The following SMYD3 variants were observed in gnomAD, a reference collection of about 807,000 sequenced individuals.
SMYD3 encodes the protein SET and MYND domain containing 3.
Under a neutral mutation model 57.7 loss-of-function variants are expected in SMYD3, and 36 were observed. The ratio of observed to expected loss-of-function variants is 0.62; its 90% CI spans 0.48 to 0.82. SMYD3 has a LOEUF of 0.82. Among genes scored for constraint, SMYD3 ranks in the 40% least tolerant of loss-of-function variants. The probability of loss-of-function intolerance (pLI) is 0.00; values close to 1 mark genes in which losing one functional copy is unlikely to be tolerated. For missense variants in SMYD3, 515 were observed against 538.8 expected, an observed-to-expected ratio of 0.96 and a Z score of 0.44; for synonymous variants, 211 against 195.0, an observed-to-expected ratio of 1.08 and a Z score of -0.68.
chr1:245,875,513 C>T (rs2052438602), intron 8 of SMYD3, among the ~76,000 whole-genome samples: 1 of 152,228 alleles, frequency 6.6e-6, no homozygotes, highest in South Asian at 2.1e-4. Context: ...TGGGCAACAT[C>T]AAACCTCAAA....
chr1:245,992,354 G>A (rs956675425), intron 5 of SMYD3, among the ~76,000 whole-genome samples: 8 of 152,262 alleles, frequency 5.3e-5, no homozygotes. Context: ...GATGCAGTGT[G>A]GGAGGGGAGT....
At chr1:245,969,836 CTAAG>C (rs1409994631) in intron 5 of SMYD3, among the ~76,000 whole-genome samples, 15 of 152,196 alleles carry the variant, frequency 9.9e-5, no homozygotes, top group African/African-American at 3.6e-4. Flanking sequence ...TATTACCTCT[CTAAG>C]TGTGTATAAA....
chr1:246,244,015 A>T (rs1247787395), intron 5 of SMYD3, among the ~76,000 whole-genome samples: 1 of 112,756 alleles, frequency 8.9e-6, no homozygotes, highest in African/African-American at 3.1e-5. Context: ...ATATATGTAC[A>T]TATATGTGTA....
chr1:246,040,008 C>T (rs1304977234), intron 5 of SMYD3, among the ~76,000 whole-genome samples: 5 of 152,188 alleles, frequency 3.3e-5, no homozygotes, highest in Non-Finnish European at 5.9e-5. Flanking sequence ...TTACAGTTAA[C>T]GTCCGACATG....
intron 5 of SMYD3, among the ~76,000 whole-genome samples, chr1:245,971,095 C>A (rs10924418): frequency 0.033 from 4,954 of 152,284 alleles, 271 homozygotes; most frequent in African/African-American, 0.11. Flanking sequence ...GGCACATATA[C>A]ACCACAGAAT....
intron 5 of SMYD3, among the ~76,000 whole-genome samples, chr1:245,962,065 T>C (rs534910893): frequency 5.3e-5 from 8 of 152,194 alleles, no homozygotes; most frequent in African/African-American, 1.2e-4. Flanking sequence ...CTAAACATCA[T>C]ACCACATGAC....
rs548294272 is a variant in SMYD3 at position 246,223,365 on chromosome 1, G to A, written c.531+103836C>T. On this transcript the variant is annotated intron_variant, in intron 5 of 11. Coordinates refer to ENST00000490107, the MANE Select transcript of SMYD3 (RefSeq NM_001167740.2). Reference sequence around the variant, plus strand: ...ATGACAGAAAGAATTAATCAAGAGCGATGCCTTGATTTTGGTCCTGAGCAC... The same window carrying A: ...ATGACAGAAAGAATTAATCAAGAGCAATGCCTTGATTTTGGTCCTGAGCAC... 2.6e-3 allele frequency among the ~76,000 whole-genome samples: 400 copies of A among 152,232 alleles called. 1 individual carries two copies. Among genetic ancestry groups the A allele is most frequent in the African/African-American group, 8.7e-3 (362 of 41,504 alleles).
Position 246,158,513 on chromosome 1 carries a change from TTTG to T in SMYD3, c.531+168685_531+168687del, listed in dbSNP as rs1241335425. 3.3e-5 allele frequency among the ~76,000 whole-genome samples: 5 copies of T among 152,326 alleles called. No individual in the cohort carries two copies. The South Asian group carries it at 6.2e-4, about 19-fold the overall frequency. ...GCAATGATTAAAAGAGGAAATTGGC[TTTG>T]TTTTTTTGAGAACTACCCCGTAGAG... On this transcript the variant is annotated intron_variant, in intron 5 of 11. Transcript: ENST00000490107.
intron 5 of SMYD3, among the ~76,000 whole-genome samples, chr1:246,320,726 T>C (rs1196636586): frequency 2.0e-5 from 3 of 152,186 alleles, no homozygotes; most frequent in Non-Finnish European, 4.4e-5. Flanking sequence ...CTCTGTACAA[T>C]AATCCCTAAA....
chr1:246,101,064 G>GTTTTTTTTT (rs538220674), intron 5 of SMYD3, among the ~76,000 whole-genome samples: 1 of 78,564 alleles, frequency 1.3e-5, no homozygotes, highest in African/African-American at 3.7e-5. Context: ...ATTTTTAGGG[G>GTTTTTTTTT]TTTTTTGTTT....
At chr1:246,003,766 C>T (rs2059121997) in intron 5 of SMYD3, among the ~76,000 whole-genome samples, 1 of 152,220 alleles carries the variant, frequency 6.6e-6, no homozygotes, top group Non-Finnish European at 1.5e-5. Context: ...ATATCTCACA[C>T]ATCTAGTCAT....
At chr1:246,229,382 T>C (rs527859480) in intron 5 of SMYD3, among the ~76,000 whole-genome samples, 9 of 152,350 alleles carry the variant, frequency 5.9e-5, no homozygotes, top group Middle Eastern at 3.4e-3. Context: ...AGGTGTTACA[T>C]TGTTTCAGTC....
At chr1:245,759,274 C>T (rs987202457) in intron 11 of SMYD3, among the ~76,000 whole-genome samples, 9 of 118,976 alleles carry the variant, frequency 7.6e-5, no homozygotes, top group Admixed American at 3.6e-4. Context: ...GTGACAATTA[C>T]GGGACATCCT....
chr1:245,774,388 G>A (rs1409254214), intron 10 of SMYD3, among the ~76,000 whole-genome samples: 1 of 152,212 alleles, frequency 6.6e-6, no homozygotes, highest in Non-Finnish European at 1.5e-5. Flanking sequence ...CAGTTGCAGA[G>A]TGGAAGCTGA....
At chr1:246,408,741 T>C (rs534758412) in intron 1 of SMYD3, among the ~76,000 whole-genome samples, 135 of 149,890 alleles carry the variant, frequency 9.0e-4, no homozygotes, top group Non-Finnish European at 1.6e-3. Flanking sequence ...GCTATCTCAG[T>C]TCACTGCAAA....
chr1:246,180,155 A>G (rs1415417131), intron 5 of SMYD3, among the ~76,000 whole-genome samples: 2 of 149,982 alleles, frequency 1.3e-5, no homozygotes, highest in Non-Finnish European at 3.0e-5. Context: ...TATATCTAAT[A>G]TAGATATATT....
At chr1:246,384,502 T>C (rs2066439685) in intron 1 of SMYD3, among the ~76,000 whole-genome samples, 1 of 151,958 alleles carries the variant, frequency 6.6e-6, no homozygotes, top group African/African-American at 2.4e-5. Flanking sequence ...TTCAAGCAAT[T>C]CTCCTGCCTC....
Position 246,019,158 on chromosome 1 carries a change from T to C in SMYD3, c.532-89221A>G, listed in dbSNP as rs560186991. On this transcript the variant is annotated intron_variant, in intron 5 of 11. Coordinates refer to ENST00000490107, the MANE Select transcript of SMYD3 (RefSeq NM_001167740.2). The stretch of plus-strand genomic sequence containing the variant: ...CACTCCAGTGATTCTCAATCAGGGC[T>C]GATTTTGCTCCTCCCCCTGGAAGTC... 7.7e-4 allele frequency among the ~76,000 whole-genome samples: 117 copies of C among 152,348 alleles called. 1 individual carries two copies. The highest frequency in any genetic ancestry group is 2.6e-3 in the African/African-American group (108 of 41,582).
chr1:246,419,075 A>AATATCCTTTGTAATATCCTCCCC lies in SMYD3; in HGVS notation c.165-64004_165-63982dup, dbSNP rs528191374. Reference sequence around the variant, plus strand: ...GATATTCCTCCGCCCTTGAGAATGTAATATCCTTTGTAATATCCTCCCCAC... The same window carrying AATATCCTTTGTAATATCCTCCCC: ...GATATTCCTCCGCCCTTGAGAATGTAATATCCTTTGTAATATCCTCCCCATATCCTTTGTAATATCCTCCCCAC... On this transcript the variant is annotated intron_variant, in intron 1 of 11. Transcript: ENST00000490107. Among the ~76,000 whole-genome samples, 43 of 152,178 alleles carry AATATCCTTTGTAATATCCTCCCC rather than the reference A, an allele frequency of 2.8e-4. 1 individual carries two copies. The East Asian group carries it at 8.1e-3, about 29-fold the overall frequency.
Sources: gnomAD v4.1 joint callset for allele counts (sites outside exome capture counted in the v4.1 genomes callset) on GRCh38, gnomAD v4.1.1 for gene constraint, MANE v1.5 for transcripts, NCBI Gene and HGNC (gene_info 2026-07-23, HGNC 2026-07-21) for gene names.